OPTN: variants seen among roughly 807,000 people sequenced by gnomAD.
OPTN encodes the protein optineurin.
A neutral mutation model predicts 70.4 loss-of-function variants in OPTN; 54 were observed. The observed-to-expected ratio is 0.77, with a 90% confidence interval of 0.62 to 0.96. OPTN has a LOEUF of 0.96. Among genes scored for constraint, OPTN ranks in the 40% least tolerant of loss-of-function variants. OPTN has a pLI of 0.00. For synonymous variants in OPTN, 256 were observed against 248.5 expected (o/e 1.03, Z -0.28); for missense variants, 624 against 673.2 (o/e 0.93, Z 0.81).
chr10:13,132,201 AG>A lies in OPTN; in HGVS notation c.1532+6del. On this transcript the variant is annotated splice_donor_5th_base_variant and intron_variant, in intron 13 of 14. Transcript: ENST00000378747. ...ATGCTTTCGAAGACGGAGGCAGGTA[AG>A]GAAAAGAGAGAGGAGGACCCAGAGC... The A allele has an allele frequency of 1.2e-6, 2 of 1,611,680 alleles. No homozygotes were observed. Among genetic ancestry groups the A allele is most frequent in the Non-Finnish European group, 1.7e-6 (2 of 1,178,366 alleles).
At chr10:13,107,998 C>G (rs1015350836) in intron 1 of OPTN, 140 bp from the exon 2 acceptor site, 1 of 152,184 alleles carries the variant, frequency 6.6e-6, no homozygotes, top group African/African-American at 2.4e-5. Context: ...CACATGGATG[C>G]CTCTACAAAA....
intron 6 of OPTN, among the ~76,000 whole-genome samples, chr10:13,118,224 G>T (rs1258017854): frequency 6.6e-6 from 1 of 152,246 alleles, no homozygotes; most frequent in African/African-American, 2.4e-5. Flanking sequence ...TATTAGCTAT[G>T]CGAACCTGAG....
intron 11 of OPTN, 104 bp downstream of exon 11, chr10:13,126,143 C>T: frequency 1.3e-6 from 1 of 753,654 alleles, no homozygotes. Flanking sequence ...AATCTGGTTT[C>T]AAAGGTTGTT....
Position 13,127,725 on chromosome 10 carries a change from A to G in OPTN, c.1243-20A>G. ...AGAATTATTTCAAAACCATTTCTAG[A>G]ATAAATGTTTCTTTTTCAGTCAGAA... On this transcript the variant is annotated intron_variant, in intron 11 of 14. Coordinates refer to ENST00000378747, the MANE Select transcript of OPTN (RefSeq NM_001008212.2). 6.2e-7 allele frequency: 1 copy of G among 1,612,862 alleles called. No individual in the cohort carries two copies. Among genetic ancestry groups the G allele is most frequent in the Non-Finnish European group, 8.5e-7 (1 of 1,178,874 alleles).
At chr10:13,107,412 TC>T (rs1832890408) in intron 1 of OPTN, among the ~76,000 whole-genome samples, 1 of 136,316 alleles carries the variant, frequency 7.3e-6, no homozygotes, top group Non-Finnish European at 1.5e-5. Flanking sequence ...TTTTTGAGAC[TC>T]TGTCGCCCAT....
intron 2 of OPTN, 155 bp from the exon 3 acceptor site, chr10:13,108,957 A>G: frequency 1.3e-6 from 1 of 744,514 alleles, no homozygotes; most frequent in Non-Finnish European, 2.4e-6. Flanking sequence ...TTTTTTGTTT[A>G]AAAGGAAGAA....
chr10:13,134,680 G>A (rs1002275601), intron 14 of OPTN, among the ~76,000 whole-genome samples: 5 of 152,122 alleles, frequency 3.3e-5, no homozygotes, highest in African/African-American at 7.2e-5. Flanking sequence ...TGCCCACGTC[G>A]GCCTCCCAAA....
intron 5 of OPTN, among the ~76,000 whole-genome samples, chr10:13,113,321 T>C (rs1314067513): frequency 6.6e-6 from 1 of 152,160 alleles, no homozygotes; most frequent in African/African-American, 2.4e-5. Flanking sequence ...CCACCGCGCC[T>C]GGCCAACAGA....
At chr10:13,115,071 TTA>T (rs538376347) in intron 5 of OPTN, among the ~76,000 whole-genome samples, 2,071 of 46,612 alleles carry the variant, frequency 0.044, 120 homozygotes, top group African/African-American at 0.13. Context: ...GTATATATAT[TTA>T]TATATATAGA....
Position 13,116,291 on chromosome 10 carries a change from A to G in OPTN, c.577A>G (p.Lys193Glu). The G allele has an allele frequency of 6.2e-6, 10 of 1,613,124 alleles. No individual in the cohort carries two copies. The highest frequency in any genetic ancestry group is 8.5e-6 in the Non-Finnish European group (10 of 1,179,084). Residue 193 changes from lysine to glutamate, a missense_variant, in exon 6 of 15, where the codon AAA (lysine) becomes GAA (glutamate). By Grantham distance (56) the Lys-to-Glu change is moderately conservative. Transcript: ENST00000378747. Reference protein sequence around the residue: ...MAEGEAEGSVKEIKHSPGPTR... With the variant: ...MAEGEAEGSVEEIKHSPGPTR... ...GGAAGGAGAAGCAGAAGGGTCAGTAAAAGAAATCAAGCATAGTCCTGGGCC... is the reference window on the plus strand; with the variant it reads ...GGAAGGAGAAGCAGAAGGGTCAGTAGAAGAAATCAAGCATAGTCCTGGGCC...
intron 3 of OPTN, 80 bp downstream of exon 3, chr10:13,109,368 G>A (rs1489158835): frequency 1.4e-6 from 2 of 1,437,938 alleles, no homozygotes; most frequent in Non-Finnish European, 2.0e-6. Context: ...AGGCTTGGTG[G>A]TGAGCTCCCT....
At chr10:13,104,254 C>CTTTTTT (rs60982439) in intron 1 of OPTN, among the ~76,000 whole-genome samples, 4 of 97,836 alleles carry the variant, frequency 4.1e-5, no homozygotes, top group African/African-American at 1.2e-4. Context: ...GTTTTTTTTT[C>CTTTTTT]TTTTTTTTTT....
At position 13,127,432 on chromosome 10, in the gene OPTN, G is replaced by C. The variant is rs143181748; in HGVS notation, c.1243-313G>C. ...AGTTTGTTATTGTATCCCTGATTTC[G>C]GTGTTATCACCTTTTTTTTAGGAAT... On this transcript the variant is annotated intron_variant, in intron 11 of 14. Transcript: ENST00000378747. Among the ~76,000 whole-genome samples the C allele has an allele frequency of 9.9e-5, 15 of 152,240 alleles. No homozygotes were observed. The East Asian group carries it at 2.1e-3, about 22-fold the overall frequency.
intron 1 of OPTN, among the ~76,000 whole-genome samples, chr10:13,105,087 A>G (rs1482005291): frequency 1.3e-5 from 2 of 152,140 alleles, no homozygotes; most frequent in Non-Finnish European, 2.9e-5. Flanking sequence ...GGCATAAGCC[A>G]CTGCACCCGG....
rs1417321680 is a variant in OPTN, at chr10:13,104,791, C to A, written c.-163-3347C>A. On this transcript the variant is annotated intron_variant, in intron 1 of 14. Transcript: ENST00000378747. ...ATCCCTTCTAGCCATCTGGTTAGAA[C>A]ATGATGCTATTCGAGATGTTCAACA... 5.0e-5 allele frequency: 27 copies of A among 540,258 alleles called. No homozygotes were observed. In the East Asian group the frequency reaches 1.2e-3, roughly 24 times the overall value. 33.5% of individuals were successfully genotyped at this position (540,258 alleles called of 1,614,324 possible). A position where few individuals can be genotyped will look rare whatever the true frequency, so the allele number is the denominator to read the frequency against.
intron 1 of OPTN, among the ~76,000 whole-genome samples, chr10:13,103,262 C>T (rs571821871): frequency 1.6e-4 from 24 of 152,340 alleles, no homozygotes; most frequent in Non-Finnish European, 3.1e-4. Context: ...CCAAACTCTT[C>T]ATAGCATTTG....
chr10:13,132,693 T>G (rs1833619170), intron 13 of OPTN, among the ~76,000 whole-genome samples: 1 of 152,078 alleles, frequency 6.6e-6, no homozygotes, highest in South Asian at 2.1e-4. Flanking sequence ...ACAATAATGT[T>G]ACGTGTCCCA....
intron 5 of OPTN, among the ~76,000 whole-genome samples, chr10:13,114,567 G>C (rs1315700368): frequency 2.0e-5 from 3 of 150,830 alleles, no homozygotes; most frequent in African/African-American, 7.3e-5. Flanking sequence ...CGTTTCTTCT[G>C]TGAACTGGAA....
intron 1 of OPTN, among the ~76,000 whole-genome samples, chr10:13,107,885 C>T (rs74420236): frequency 0.014 from 2,135 of 152,160 alleles, 45 homozygotes; most frequent in East Asian, 0.087. Flanking sequence ...ATCATTTTCA[C>T]CAAGTGTGAA....
Sources: allele counts gnomAD v4.1 joint callset (sites outside exome capture counted in the v4.1 genomes callset), GRCh38; gene constraint gnomAD v4.1.1; transcripts MANE v1.5; gene names NCBI Gene and HGNC (gene_info 2026-07-23, HGNC 2026-07-21).